The following LEMD3 variants were observed in gnomAD, a reference collection of about 807,000 sequenced individuals.
LEMD3 encodes the protein inner nuclear membrane protein Man1.
LEMD3 carries 33 observed loss-of-function variants against 95.2 expected under a neutral mutation model. The observed-to-expected ratio is 0.35, with a 90% CI of 0.26 to 0.46. The LOEUF (loss-of-function observed/expected upper bound fraction) is 0.46. Ranked by LOEUF, LEMD3 falls within the 20% of genes least tolerant of loss-of-function variation. The probability of loss-of-function intolerance (pLI) is 1.00; values close to 1 mark genes in which losing one functional copy is unlikely to be tolerated. For missense variants in LEMD3, 1,210 were observed against 1,192.8 expected, an observed-to-expected ratio of 1.01 and a Z score of -0.21; for synonymous variants, 525 against 474.6, an observed-to-expected ratio of 1.11 and a Z score of -1.38.
Position 65,169,600 on chromosome 12 carries a change from GCGGCGGCAGCAGCTT to G in LEMD3, c.10_24del (p.Ala4_Ala8del), listed in dbSNP as rs1592423576. 1 of 1,587,706 alleles carries G rather than the reference GCGGCGGCAGCAGCTT, an allele frequency of 6.3e-7. No homozygotes were observed. Among genetic ancestry groups the G allele is most frequent in the Non-Finnish European group, 8.6e-7 (1 of 1,169,108 alleles). On this transcript the variant is annotated inframe_deletion, in exon 1 of 13. Transcript: ENST00000308330. ...TGTAAAACACCCTGGAGAGAAAATG[GCGGCGGCAGCAGCTT>G]CGGCGCCTCAGCAGCTCTCGGATGA... is the stretch of plus-strand genomic sequence containing the variant.
intron 4 of LEMD3, among the ~76,000 whole-genome samples, chr12:65,235,119 A>G (rs950948289): frequency 2.0e-5 from 3 of 152,172 alleles, no homozygotes; most frequent in African/African-American, 4.8e-5. Context: ...GAAGGGTACT[A>G]TGTGGCATCT....
intron 4 of LEMD3, among the ~76,000 whole-genome samples, chr12:65,231,361 T>C (rs1870623077): frequency 2.6e-5 from 4 of 152,192 alleles, no homozygotes; most frequent in African/African-American, 7.2e-5. Context: ...AAGTACTATT[T>C]TTAATAATGC....
At chr12:65,180,999 C>CA (rs1277796005) in intron 1 of LEMD3, among the ~76,000 whole-genome samples, 2 of 152,126 alleles carry the variant, frequency 1.3e-5, no homozygotes, top group Non-Finnish European at 2.9e-5. Context: ...AACACACACA[C>CA]ACACACACAC....
intron 1 of LEMD3, among the ~76,000 whole-genome samples, chr12:65,209,242 A>G (rs1230719154): frequency 6.6e-6 from 1 of 152,140 alleles, no homozygotes; most frequent in African/African-American, 2.4e-5. Flanking sequence ...GGAGCTACTC[A>G]CAGAGCTGAT....
chr12:65,191,899 TG>T (rs1300474730), intron 1 of LEMD3, among the ~76,000 whole-genome samples: 1 of 121,696 alleles, frequency 8.2e-6, no homozygotes, highest in African/African-American at 3.3e-5. Flanking sequence ...CATTCAAGCC[TG>T]GGCAACAGAG....
In LEMD3 at chr12:65,232,715, GA is replaced by G. The variant is rs1870665701; in HGVS notation, c.1696-5784del. Among the ~76,000 whole-genome samples the G allele has an allele frequency of 2.6e-5, 4 of 152,204 alleles. No homozygotes were observed. In the South Asian group the frequency reaches 8.3e-4, roughly 32 times the overall value. On this transcript the variant is annotated intron_variant, in intron 4 of 12. Transcript: ENST00000308330. ...GAGGTCCCTCTGGTGGAACATTGAAGAAATACATAGTTTATATTTCCGTGAA... is the reference window on the plus strand; with the variant it reads ...GAGGTCCCTCTGGTGGAACATTGAAGAATACATAGTTTATATTTCCGTGAA...
At chr12:65,221,531 A>AT (rs1303959260) in intron 4 of LEMD3, among the ~76,000 whole-genome samples, 3 of 151,652 alleles carry the variant, frequency 2.0e-5, no homozygotes, top group South Asian at 2.1e-4. Context: ...AAATAACAAG[A>AT]TTTTTTTGGT....
intron 1 of LEMD3, among the ~76,000 whole-genome samples, chr12:65,193,732 C>CTGTGTGTGTGTGTGTGTGTGTGTGTGTG (rs746675293): frequency 9.3e-5 from 12 of 129,438 alleles, no homozygotes; most frequent in African/African-American, 3.7e-4. Flanking sequence ...ACATAACTGG[C>CTGTGTGTGTGTGTGTGTGTGTGTGTGTG]TGTGTGTGTG....
intron 1 of LEMD3, among the ~76,000 whole-genome samples, chr12:65,205,528 G>A (rs906064034): frequency 1.2e-4 from 19 of 152,202 alleles, no homozygotes; most frequent in Middle Eastern, 6.8e-3. Context: ...TGATAGCCAT[G>A]TTTAAAGTTT....
rs775371062 is a variant in LEMD3 at position 65,170,526 on chromosome 12, T to G, written c.930T>G (p.Val310=). ...KSAGGRLETS[V]QGGGGLAMND... ...CCGGCGGCAGGCTGGAGACTTCAGT[T>G]CAGGGAGGGGGAGGACTCGCGATGA... The change falls in exon 1 of 13, where the codon GTT becomes GTG. Residue 310 remains valine, a synonymous_variant. Coordinates refer to ENST00000308330, the MANE Select transcript of LEMD3 (RefSeq NM_014319.5). The G allele has an allele frequency of 6.2e-7, 1 of 1,614,010 alleles. No individual in the cohort carries two copies. Among genetic ancestry groups the G allele is most frequent in the Non-Finnish European group, 8.5e-7 (1 of 1,179,996 alleles).
intron 4 of LEMD3, among the ~76,000 whole-genome samples, chr12:65,224,631 G>T (rs919914355): frequency 6.6e-6 from 1 of 151,892 alleles, no homozygotes; most frequent in Non-Finnish European, 1.5e-5. Context: ...TATGTGATGA[G>T]TAGCTTGCGT....
intron 4 of LEMD3, among the ~76,000 whole-genome samples, chr12:65,233,780 T>C (rs1281365368): frequency 8.5e-5 from 13 of 152,184 alleles, no homozygotes; most frequent in Non-Finnish European, 1.6e-4. Context: ...ACAGTATTAT[T>C]TTTGTACTTG....
chr12:65,209,731 TATG>T (rs1485034055), intron 1 of LEMD3, among the ~76,000 whole-genome samples: 3 of 152,118 alleles, frequency 2.0e-5, no homozygotes, highest in Non-Finnish European at 2.9e-5. Context: ...CAAAATCCCT[TATG>T]ATGATAACAG....
In LEMD3 at chr12:65,169,612, G is replaced by C; in HGVS notation, c.16G>C (p.Ala6Pro). 1 of 1,588,098 alleles carries C rather than the reference G, an allele frequency of 6.3e-7. No homozygotes were observed. Among genetic ancestry groups the C allele is most frequent in the Non-Finnish European group, 8.6e-7 (1 of 1,169,470 alleles). The change falls in exon 1 of 13, where the codon GCT becomes CCT. Residue 6 changes from alanine to proline, a missense_variant. Ala to Pro is a conservative substitution (Grantham distance 27). Transcript: ENST00000308330. ...TGGAGAGAAAATGGCGGCGGCAGCA[G>C]CTTCGGCGCCTCAGCAGCTCTCGGA... is the stretch of plus-strand genomic sequence containing the variant. MAAAA[A>P]SAPQQLSDEE...
intron 2 of LEMD3, among the ~76,000 whole-genome samples, chr12:65,211,461 A>G (rs1025065660): frequency 2.6e-5 from 4 of 152,222 alleles, no homozygotes; most frequent in Non-Finnish European, 4.4e-5. Flanking sequence ...AAAGAGTGCT[A>G]TAATACTAAT....
At chr12:65,191,924 C>CAAA (rs35109917) in intron 1 of LEMD3, among the ~76,000 whole-genome samples, 7 of 74,300 alleles carry the variant, frequency 9.4e-5, no homozygotes, top group African/African-American at 4.0e-4. Context: ...GACTCCGTCT[C>CAAA]AAAAAAAAAA....
intron 8 of LEMD3, among the ~76,000 whole-genome samples, 173 bp downstream of exon 8, chr12:65,240,411 CA>C (rs1870900637): frequency 6.6e-6 from 1 of 152,130 alleles, no homozygotes; most frequent in Admixed American, 6.5e-5. Flanking sequence ...AATTCTCTTC[CA>C]TTCTCCTGAT....
Position 65,243,430 on chromosome 12 carries a change from C to T in LEMD3, c.2348C>T (p.Thr783Ile), listed in dbSNP as rs755527292. 5 of 1,604,328 alleles carry T rather than the reference C, an allele frequency of 3.1e-6. No homozygotes were observed. The highest frequency in any genetic ancestry group is 2.2e-5 in the East Asian group (1 of 44,752). The change falls in exon 10 of 13, where the codon ACA becomes ATA. Residue 783 changes from threonine to isoleucine, a missense_variant. Thr to Ile is a moderately conservative substitution (Grantham distance 89). Coordinates refer to ENST00000308330, the MANE Select transcript of LEMD3 (RefSeq NM_014319.5). ...DRRNSPPNSL[T>I]PCLKIRNMFD... ...AGAAATTCACCACCAAATAGTTTGA[C>T]ACCGTGTCTAAAGATTCGGAATATG...
intron 1 of LEMD3, among the ~76,000 whole-genome samples, chr12:65,185,074 C>T (rs180677964): frequency 1.3e-5 from 2 of 152,148 alleles, no homozygotes; most frequent in Non-Finnish European, 2.9e-5. Context: ...CCTCCCACCT[C>T]AGTTTCCTGA....
Sources: allele counts gnomAD v4.1 joint callset (sites outside exome capture counted in the v4.1 genomes callset), GRCh38; gene constraint gnomAD v4.1.1; transcripts MANE v1.5; gene names NCBI Gene and HGNC (gene_info 2026-07-23, HGNC 2026-07-21).